The following TTLL7 variants were observed in gnomAD, a reference collection of about 807,000 sequenced individuals.
TTLL7 encodes tubulin tyrosine ligase like 7, also known as tubulin polyglutamylase TTLL7.
Under a neutral mutation model 120.2 loss-of-function variants are expected in TTLL7, and 53 were observed. The ratio of observed to expected loss-of-function variants is 0.44; its 90% CI spans 0.35 to 0.55. The LOEUF (loss-of-function observed/expected upper bound fraction) is 0.55. Among genes scored for constraint, TTLL7 ranks in the 20% least tolerant of loss-of-function variants. The pLI, the probability that TTLL7 is intolerant of heterozygous loss-of-function variation, is 0.00. For missense variants in TTLL7, 803 were observed against 1,054.7 expected (o/e 0.76, Z 3.31); for synonymous variants, 353 against 351.7 (o/e 1.00, Z -0.04).
At position 83,930,324 on chromosome 1, in the gene TTLL7, T is replaced by C. The variant is rs7512033; in HGVS notation, c.1048-1094A>G. 9.9e-3 allele frequency among the ~76,000 whole-genome samples: 1,511 copies of C among 152,232 alleles called. 27 individuals carry two copies. Among genetic ancestry groups the C allele is most frequent in the African/African-American group, 0.035 (1,443 of 41,532 alleles). On this transcript the variant is annotated intron_variant, in intron 9 of 20. Coordinates refer to ENST00000260505, the MANE Select transcript of TTLL7 (RefSeq NM_024686.6). Reference sequence around the variant, plus strand: ...ATCATGAAAATCTTTCATCATGCCATCATTTTGATGGATGCATGGTACTCC... The same window carrying C: ...ATCATGAAAATCTTTCATCATGCCACCATTTTGATGGATGCATGGTACTCC...
intron 1 of TTLL7, among the ~76,000 whole-genome samples, chr1:83,956,272 A>T (rs936542458): frequency 3.4e-5 from 5 of 146,390 alleles, no homozygotes; most frequent in African/African-American, 5.0e-5. Context: ...TATTATTTTT[A>T]TTTATTTATT....
intron 7 of TTLL7, among the ~76,000 whole-genome samples, chr1:83,941,570 G>T (rs116385455): frequency 0.041 from 6,277 of 152,108 alleles, 155 homozygotes; most frequent in Middle Eastern, 0.099. Context: ...AAAAATGACC[G>T]CACTTAATGG....
At chr1:83,872,328 T>C (rs1653496961) in intron 20 of TTLL7, among the ~76,000 whole-genome samples, 1 of 152,228 alleles carries the variant, frequency 6.6e-6, no homozygotes, top group African/African-American at 2.4e-5. Context: ...ATTTCTCACA[T>C]CACAGATTAT....
chr1:83,959,911 AAAT>A (rs1474045814), intron 1 of TTLL7, among the ~76,000 whole-genome samples: 5 of 152,166 alleles, frequency 3.3e-5, no homozygotes, highest in African/African-American at 9.7e-5. Flanking sequence ...AAATTATACA[AAAT>A]AATATATTTC....
intron 14 of TTLL7, among the ~76,000 whole-genome samples, chr1:83,913,444 A>G (rs1470401563): frequency 6.6e-6 from 1 of 152,158 alleles, no homozygotes; most frequent in Admixed American, 6.5e-5. Flanking sequence ...GTGGAAAGCT[A>G]TTATTTCTCC....
intron 1 of TTLL7, among the ~76,000 whole-genome samples, chr1:83,976,204 C>T (rs1178454069): frequency 6.6e-6 from 1 of 151,958 alleles, no homozygotes; most frequent in Non-Finnish European, 1.5e-5. Flanking sequence ...AAATGTTATT[C>T]ATTTTCTAAC....
chr1:83,930,310 C>A (rs1659490120), intron 9 of TTLL7, among the ~76,000 whole-genome samples: 2 of 152,178 alleles, frequency 1.3e-5, no homozygotes, highest in Non-Finnish European at 2.9e-5. Context: ...TCATGAAAAT[C>A]TTTCATCATG....
At chr1:83,881,445 C>G (rs1022159069) in intron 20 of TTLL7, among the ~76,000 whole-genome samples, 6 of 151,554 alleles carry the variant, frequency 4.0e-5, no homozygotes, top group Non-Finnish European at 7.4e-5. Flanking sequence ...ACAGACACTT[C>G]TCAAAAGAAG....
At position 83,932,568 on chromosome 1, in the gene TTLL7, C is replaced by T. The variant is rs576182092; in HGVS notation, c.1047+1040G>A. Among the ~76,000 whole-genome samples, 39 of 125,412 alleles carry T rather than the reference C, an allele frequency of 3.1e-4. No homozygotes were observed. The East Asian group carries it at 6.1e-3, about 20-fold the overall frequency. 82.3% of individuals were successfully genotyped at this position (125,412 alleles called of 152,430 possible). A position where few individuals can be genotyped will look rare whatever the true frequency, so the allele number is the denominator to read the frequency against. On this transcript the variant is annotated intron_variant, in intron 9 of 20. Transcript: ENST00000260505. Reference sequence around the variant, plus strand: ...GTAGATGTGACCACACATAGGCGCGCGCACACACACACACACACACAATCT... The same window carrying T: ...GTAGATGTGACCACACATAGGCGCGTGCACACACACACACACACACAATCT...
intron 18 of TTLL7, among the ~76,000 whole-genome samples, chr1:83,897,488 G>A (rs1261075350): frequency 6.6e-6 from 1 of 152,076 alleles, no homozygotes; most frequent in Non-Finnish European, 1.5e-5. Context: ...CTTTGTGGCA[G>A]CCATGGAGAT....
chr1:83,902,345 G>A (rs1047616079), intron 18 of TTLL7: 6 of 151,806 alleles, frequency 4.0e-5, no homozygotes, highest in African/African-American at 1.5e-4. Context: ...AAAAGTGCCT[G>A]TAGTAACTGT....
intron 20 of TTLL7, among the ~76,000 whole-genome samples, chr1:83,872,842 G>C (rs1653561474): frequency 6.6e-6 from 1 of 152,170 alleles, no homozygotes; most frequent in Non-Finnish European, 1.5e-5. Context: ...CTATATGGCA[G>C]ATATTACTGT....
intron 10 of TTLL7, among the ~76,000 whole-genome samples, chr1:83,928,843 T>G (rs1659352826): frequency 6.6e-6 from 1 of 152,090 alleles, no homozygotes; most frequent in Admixed American, 6.6e-5. Flanking sequence ...TAACCTCATT[T>G]ACTGCAGGTA....
intron 19 of TTLL7, among the ~76,000 whole-genome samples, chr1:83,884,763 A>G (rs1043924117): frequency 6.7e-6 from 1 of 149,934 alleles, no homozygotes. Flanking sequence ...TGGGAGATAT[A>G]CCTAATGCTA....
chr1:83,892,228 GTATATATATGAATATATATGTA>G (rs1557560769), intron 18 of TTLL7, among the ~76,000 whole-genome samples: 5 of 139,614 alleles, frequency 3.6e-5, no homozygotes, highest in Non-Finnish European at 7.6e-5. Context: ...ATATATATGT[GTATATATATGAATATATATGTA>G]TATATGAATA....
At chr1:83,879,748 T>A (rs1654277645) in intron 20 of TTLL7, 1 of 152,016 alleles carries the variant, frequency 6.6e-6, no homozygotes, top group East Asian at 1.9e-4. Flanking sequence ...ATGTATTTAC[T>A]GACATCTCAA....
intron 4 of TTLL7, chr1:83,948,916 A>G: frequency 5.3e-6 from 2 of 379,636 alleles, no homozygotes; most frequent in Admixed American, 4.2e-5. Context: ...ACACAAAAGA[A>G]TATCTACATA....
intron 1 of TTLL7, among the ~76,000 whole-genome samples, chr1:83,993,090 C>G (rs1023966831): frequency 1.3e-5 from 2 of 152,132 alleles, no homozygotes; most frequent in Non-Finnish European, 2.9e-5. Flanking sequence ...CTAACTTTTT[C>G]TACCAACACT....
At chr1:83,924,490 C>T (rs1658945186) in intron 10 of TTLL7, among the ~76,000 whole-genome samples, 1 of 152,128 alleles carries the variant, frequency 6.6e-6, no homozygotes, top group African/African-American at 2.4e-5. Flanking sequence ...TATGATTCCA[C>T]TCTTATGAGA....
Sources: gnomAD v4.1 joint callset for allele counts (sites outside exome capture counted in the v4.1 genomes callset) on GRCh38, gnomAD v4.1.1 for gene constraint, MANE v1.5 for transcripts, NCBI Gene and HGNC (gene_info 2026-07-23, HGNC 2026-07-21) for gene names.